The following CCDC171 variants were observed in gnomAD, a reference collection of about 807,000 sequenced individuals.
CCDC171 encodes coiled-coil domain containing 171.
A neutral mutation model predicts 168.2 loss-of-function variants in CCDC171; 177 were observed. That is an observed-to-expected ratio of 1.05 (90% confidence interval 0.93 to 1.19). The LOEUF (loss-of-function observed/expected upper bound fraction) is 1.19, where lower values mean the gene tolerates loss of function less well. Among genes scored for constraint, CCDC171 ranks in the 50% most tolerant of loss-of-function variants. The pLI, the probability that CCDC171 is intolerant of heterozygous loss-of-function variation, is 0.00. For missense variants in CCDC171, 1,991 were observed against 1,539.0 expected (o/e 1.29, Z -4.91); for synonymous variants, 687 against 540.8 (o/e 1.27, Z -3.75).
At chr9:15,964,501 G>A (rs1174979353) in intron 25 of CCDC171, among the ~76,000 whole-genome samples, 1 of 152,000 alleles carries the variant, frequency 6.6e-6, no homozygotes, top group Non-Finnish European at 1.5e-5. Context: ...TGCATTTTCT[G>A]GCCATTTCTG....
the CCDC171 span, among the ~76,000 whole-genome samples, chr9:16,069,617 G>C: frequency 6.6e-6 from 1 of 152,254 alleles, no homozygotes; most frequent in African/African-American, 2.4e-5. Context: ...ATTTATAATA[G>C]ATTAGCTTAG....
chr9:15,975,900 C>T (rs1831606296), downstream of CCDC171, among the ~76,000 whole-genome samples: 1 of 152,036 alleles, frequency 6.6e-6, no homozygotes, highest in South Asian at 2.1e-4. Context: ...AGGAGATTAT[C>T]CTGGATTAGC....
chr9:15,743,172 T>C (rs1368704266), intron 16 of CCDC171, among the ~76,000 whole-genome samples: 1 of 57,480 alleles, frequency 1.7e-5, no homozygotes, highest in Non-Finnish European at 3.8e-5. Flanking sequence ...TTTTTTTTTT[T>C]TTTTTTTTTT....
intron 24 of CCDC171, among the ~76,000 whole-genome samples, chr9:15,889,592 C>G (rs1294862110): frequency 6.6e-6 from 1 of 152,146 alleles, no homozygotes; most frequent in East Asian, 1.9e-4. Context: ...TAGGCTTTAT[C>G]TTGCTTGTGT....
chr9:15,859,251 C>T (rs184743662), intron 23 of CCDC171, among the ~76,000 whole-genome samples: 22 of 152,002 alleles, frequency 1.4e-4, no homozygotes, highest in Admixed American at 7.2e-4. Context: ...TTTGTAATGG[C>T]GCCTAATCCT....
intron 7 of CCDC171, among the ~76,000 whole-genome samples, chr9:15,635,597 C>G (rs1384020485): frequency 2.6e-5 from 4 of 152,184 alleles, no homozygotes; most frequent in Non-Finnish European, 2.9e-5. Flanking sequence ...GCCTCTCCCA[C>G]TGCACTGACT....
At chr9:15,697,238 G>A (rs929953948) in intron 11 of CCDC171, among the ~76,000 whole-genome samples, 3 of 152,198 alleles carry the variant, frequency 2.0e-5, no homozygotes, top group Admixed American at 6.5e-5. Context: ...TGCCTGTTGG[G>A]TGGGCCCTCT....
chr9:16,081,644 A>G, the CCDC171 span, among the ~76,000 whole-genome samples: 1 of 152,164 alleles, frequency 6.6e-6, no homozygotes, highest in Non-Finnish European at 1.5e-5. Context: ...ACTTTCTGCT[A>G]TGTGGGGTAA....
chr9:15,901,363 C>T (rs1461053373), intron 24 of CCDC171, among the ~76,000 whole-genome samples: 3 of 152,094 alleles, frequency 2.0e-5, no homozygotes, highest in Non-Finnish European at 4.4e-5. Flanking sequence ...GATGTGTCAG[C>T]ATAGGTTCAT....
In CCDC171 at chr9:15,924,265, A is replaced by G. The variant is rs111785300; in HGVS notation, c.3753+3843A>G. ...TGTTAACCAGTTAATAGTGTGTGCC[A>G]TAGAAGTCAAATAAGTTTGGATTCA... On this transcript the variant is annotated intron_variant, in intron 25 of 25. Transcript: ENST00000380701. 5.3e-5 allele frequency among the ~76,000 whole-genome samples: 8 copies of G among 151,526 alleles called. No homozygotes were observed. The South Asian group carries it at 1.7e-3, about 31-fold the overall frequency.
intron 25 of CCDC171, among the ~76,000 whole-genome samples, chr9:15,928,285 G>A (rs575984824): frequency 2.0e-5 from 3 of 151,870 alleles, no homozygotes; most frequent in South Asian, 2.1e-4. Flanking sequence ...GGGCTGTGGT[G>A]AGGAAAGGCC....
chr9:15,587,057 C>T (rs2041620984), intron 4 of CCDC171, among the ~76,000 whole-genome samples: 1 of 152,200 alleles, frequency 6.6e-6, no homozygotes, highest in Admixed American at 6.5e-5. Flanking sequence ...AATCAATCCT[C>T]CAAGCTTGGC....
intron 1 of CCDC171, among the ~76,000 whole-genome samples, chr9:15,554,721 G>C (rs1422121791): frequency 6.6e-6 from 1 of 152,172 alleles, no homozygotes; most frequent in Non-Finnish European, 1.5e-5. Flanking sequence ...TCCAACACAG[G>C]TGTGGTTACT....
the CCDC171 span, among the ~76,000 whole-genome samples, chr9:16,082,993 A>G: frequency 2.0e-5 from 3 of 152,204 alleles, no homozygotes; most frequent in Non-Finnish European, 2.9e-5. Flanking sequence ...AAGTGTGTGT[A>G]ATGGCAATGG....
At chr9:15,633,244 A>G (rs1362565355) in intron 7 of CCDC171, among the ~76,000 whole-genome samples, 1 of 152,322 alleles carries the variant, frequency 6.6e-6, no homozygotes, top group South Asian at 2.1e-4. Flanking sequence ...CAACCTACAC[A>G]ATGGGAGAAA....
chr9:15,610,560 G>A (rs1021145237), intron 6 of CCDC171, among the ~76,000 whole-genome samples: 4 of 150,218 alleles, frequency 2.7e-5, no homozygotes, highest in African/African-American at 7.3e-5. Flanking sequence ...CCTGGGAGGC[G>A]GAGGTTGCAG....
intron 7 of CCDC171, among the ~76,000 whole-genome samples, chr9:15,628,873 G>A (rs1375907455): frequency 1.3e-5 from 2 of 152,152 alleles, no homozygotes; most frequent in Admixed American, 6.5e-5. Flanking sequence ...AACGGTTCAC[G>A]AAAATCCGCT....
chr9:15,998,115 C>A lies in CCDC171; in HGVS notation n.369-22474C>A, dbSNP rs182145793. Among the ~76,000 whole-genome samples the A allele has an allele frequency of 1.2e-4, 19 of 152,274 alleles. No homozygotes were observed. The East Asian group carries it at 3.7e-3, about 29-fold the overall frequency. ...CCCTGAGTTGTGGGAATGGGATACA[C>A]CAAGTCCCCCAGAGAGATCAGAATG... On this transcript the variant is annotated intron_variant and non_coding_transcript_variant, in intron 3 of 9. Coordinates refer to the CCDC171 transcript ENST00000486641.
At chr9:15,834,088 A>G (rs2060343152) in intron 21 of CCDC171, among the ~76,000 whole-genome samples, 1 of 152,154 alleles carries the variant, frequency 6.6e-6, no homozygotes, top group Admixed American at 6.5e-5. Context: ...TAAATTAATA[A>G]ATAGTACATT....
Sources: gnomAD v4.1 joint callset for allele counts (sites outside exome capture counted in the v4.1 genomes callset) on GRCh38, gnomAD v4.1.1 for gene constraint, MANE v1.5 for transcripts, NCBI Gene and HGNC (gene_info 2026-07-23, HGNC 2026-07-21) for gene names.